FXYD6: variants seen among roughly 807,000 people sequenced by gnomAD.
FXYD6 encodes FXYD domain-containing ion transport regulator 6.
FXYD6 carries 7 observed loss-of-function variants against 16.7 expected under a neutral mutation model. The ratio of observed to expected loss-of-function variants is 0.42; its 90% CI spans 0.24 to 0.79. The LOEUF (loss-of-function observed/expected upper bound fraction) is 0.79. Ranked by LOEUF, FXYD6 falls within the 30% of genes least tolerant of loss-of-function variation. FXYD6 has a pLI of 0.28. For missense variants in FXYD6, 111 were observed against 116.2 expected (o/e 0.95, Z 0.21); for synonymous variants, 49 against 43.0 (o/e 1.14, Z -0.54).
chr11:117,864,765 T>G (rs1277896078), intron 1 of FXYD6, among the ~76,000 whole-genome samples: 2 of 152,134 alleles, frequency 1.3e-5, no homozygotes, highest in Non-Finnish European at 2.9e-5. Flanking sequence ...TTTTGTATTT[T>G]TAGTAGAGAC....
chr11:117,840,051 G>T (rs1591549925), intron 6 of FXYD6: 1 of 654,946 alleles, frequency 1.5e-6, no homozygotes, highest in East Asian at 2.7e-5. Flanking sequence ...TGGGGACAAT[G>T]ATGCCTATTT....
chr11:117,838,342 C>A, intron 7 of FXYD6, 65 bp from the exon 8 acceptor site: 1 of 701,152 alleles, frequency 1.4e-6, no homozygotes, highest in Non-Finnish European at 2.6e-6. Flanking sequence ...ATCTGCTTCT[C>A]TCCCTTCCTT....
intron 1 of FXYD6, among the ~76,000 whole-genome samples, chr11:117,846,150 A>G (rs999858940): frequency 6.6e-6 from 1 of 152,236 alleles, no homozygotes; most frequent in Admixed American, 6.5e-5. Context: ...TAGAGGTAAA[A>G]GATGGCTTTA....
At chr11:117,842,371 A>G (rs2056369219) in intron 2 of FXYD6, 2 of 555,668 alleles carry the variant, frequency 3.6e-6, no homozygotes, top group Admixed American at 6.5e-5. Context: ...AGGACATATG[A>G]CTTGCACGAG....
intron 1 of FXYD6, chr11:117,858,367 G>A (rs946524190): frequency 1.3e-5 from 2 of 152,334 alleles, no homozygotes; most frequent in African/African-American, 2.4e-5. Flanking sequence ...AGAGCTCCAG[G>A]GGGGCTTTCC....
At chr11:117,862,980 T>C (rs2056942542) in intron 1 of FXYD6, among the ~76,000 whole-genome samples, 2 of 152,328 alleles carry the variant, frequency 1.3e-5, no homozygotes, top group African/African-American at 2.4e-5. Context: ...GATGTGATGA[T>C]GTTATACACC....
chr11:117,850,394 C>CTATGTTA (rs2056579835), intron 1 of FXYD6, among the ~76,000 whole-genome samples: 1 of 152,092 alleles, frequency 6.6e-6, no homozygotes, highest in African/African-American at 2.4e-5. Flanking sequence ...ATGTAGTGAT[C>CTATGTTA]CTCCCTGTCT....
intron 1 of FXYD6, among the ~76,000 whole-genome samples, chr11:117,860,891 GGGCAGACT>G: frequency 6.6e-6 from 1 of 152,110 alleles, no homozygotes; most frequent in African/African-American, 2.4e-5. Flanking sequence ...TTACACAGAC[GGGCAGACT>G]GAGGTGAGAA....
At chr11:117,853,409 G>C (rs1223686554) in intron 1 of FXYD6, among the ~76,000 whole-genome samples, 2 of 152,254 alleles carry the variant, frequency 1.3e-5, no homozygotes, top group Non-Finnish European at 2.9e-5. Context: ...TTAGCCTACA[G>C]AATGCAGTAA....
intron 1 of FXYD6, among the ~76,000 whole-genome samples, chr11:117,875,217 TATG>T (rs762910168): frequency 1.6e-4 from 25 of 152,042 alleles, no homozygotes; most frequent in South Asian, 8.3e-4. Context: ...TGTGTATAGG[TATG>T]ATGTATATGT....
intron 1 of FXYD6, chr11:117,858,364 C>G (rs1189488397): frequency 6.6e-6 from 1 of 152,330 alleles, no homozygotes; most frequent in Admixed American, 6.5e-5. Context: ...AGCAGAGCTC[C>G]AGGGGGGCTT....
At chr11:117,839,050 G>T in intron 7 of FXYD6, 1 of 153,412 alleles carries the variant, frequency 6.5e-6, no homozygotes, top group Non-Finnish European at 1.5e-5. Flanking sequence ...GAGACGCACA[G>T]GACAGAGGGG....
chr11:117,865,706 A>G (rs910515176), intron 1 of FXYD6, among the ~76,000 whole-genome samples: 1 of 152,112 alleles, frequency 6.6e-6, no homozygotes, highest in Non-Finnish European at 1.5e-5. Flanking sequence ...CGGGTGGATC[A>G]CCTGAGGTCA....
At chr11:117,860,512 G>A (rs2056879977) in intron 1 of FXYD6, among the ~76,000 whole-genome samples, 1 of 152,246 alleles carries the variant, frequency 6.6e-6, no homozygotes, top group Non-Finnish European at 1.5e-5. Context: ...AATCCTGCCA[G>A]CTCACCCCTG....
intron 1 of FXYD6, among the ~76,000 whole-genome samples, chr11:117,865,604 G>A (rs140239302): frequency 6.6e-6 from 1 of 152,318 alleles, no homozygotes; most frequent in East Asian, 1.9e-4. Flanking sequence ...CAGAGGCTGA[G>A]GAGGAACATA....
At chr11:117,852,298 A>G (rs1291058997) in intron 1 of FXYD6, among the ~76,000 whole-genome samples, 2 of 152,232 alleles carry the variant, frequency 1.3e-5, no homozygotes, top group African/African-American at 4.8e-5. Flanking sequence ...TAAAGAAACC[A>G]TTACATAATA....
chr11:117,872,826 C>G lies in FXYD6; in HGVS notation c.-6+3766G>C, dbSNP rs928679442. Among the ~76,000 whole-genome samples, 8 of 152,190 alleles carry G rather than the reference C, an allele frequency of 5.3e-5. No individual in the cohort carries two copies. The highest frequency in any genetic ancestry group is 4.4e-5 in the Non-Finnish European group (3 of 68,042). ...GATTCTGGAGCAGAGATGATGCTGC[C>G]AAATTGGTTCCATGCTTTTGTTTCG... On this transcript the variant is annotated intron_variant, in intron 1 of 7. Coordinates refer to ENST00000526014, the MANE Select transcript of FXYD6 (RefSeq NM_022003.4). The surrounding 1 kb of genome is among the most constrained non-coding windows in gnomAD (Gnocchi z 4.9).
At chr11:117,869,054 C>T (rs915688948) in intron 1 of FXYD6, 1 of 152,170 alleles carries the variant, frequency 6.6e-6, no homozygotes, top group African/African-American at 2.4e-5. Context: ...GAAAATGCAA[C>T]CAGTTCCCTC....
chr11:117,843,174 G>GT (rs1417724575), intron 1 of FXYD6, among the ~76,000 whole-genome samples: 1 of 152,082 alleles, frequency 6.6e-6, no homozygotes, highest in African/African-American at 2.4e-5. Flanking sequence ...ACCTCAAGTG[G>GT]TCCATCTGCC....
Sources: gnomAD v4.1 joint callset for allele counts (sites outside exome capture counted in the v4.1 genomes callset) on GRCh38, gnomAD v4.1.1 for gene constraint, Gnocchi (gnomAD v3.1) non-coding constraint, MANE v1.5 for transcripts, NCBI Gene and HGNC (gene_info 2026-07-23, HGNC 2026-07-21) for gene names.